Variants in ANGPT1 observed in about 807,000 individuals in gnomAD.
ANGPT1 encodes angiopoietin-1.
In ANGPT1, 17 loss-of-function variants were observed where a neutral mutation model predicts 62.2. That is an observed-to-expected ratio of 0.27 (90% confidence interval 0.19 to 0.41). ANGPT1 has a LOEUF of 0.41. Ranked by LOEUF, ANGPT1 falls within the 10% of genes least tolerant of loss-of-function variation. The pLI is 1.00. For synonymous variants in ANGPT1, 199 were observed against 198.9 expected, an observed-to-expected ratio of 1.00 and a Z score of 0.00; for missense variants, 478 against 594.9, an observed-to-expected ratio of 0.80 and a Z score of 2.04.
chr8:107,490,581 C>A (rs1395739138), intron 1 of ANGPT1, among the ~76,000 whole-genome samples: 2 of 152,190 alleles, frequency 1.3e-5, no homozygotes, highest in African/African-American at 4.8e-5. Context: ...GGAGGGCGAT[C>A]TTTTTCCCAC....
chr8:107,261,673 C>T (rs1369900356), intron 8 of ANGPT1, among the ~76,000 whole-genome samples: 1 of 150,592 alleles, frequency 6.6e-6, no homozygotes, highest in Admixed American at 6.6e-5. Flanking sequence ...TCACTGCACT[C>T]CAGCCTGGGT....
Position 107,443,841 on chromosome 8 carries a change from A to G in ANGPT1, c.297+53421T>C, listed in dbSNP as rs144809193. ...TCTCAAAAAAAAAAAAAAAAAGTAT[A>G]CTAGTATACCACTCTAACCAAAAAG... On this transcript the variant is annotated intron_variant, in intron 1 of 8. Transcript: ENST00000517746. Among the ~76,000 whole-genome samples, 1,282 of 151,474 alleles carry G rather than the reference A, an allele frequency of 8.5e-3. 8 individuals are homozygous for G. The highest frequency in any genetic ancestry group is 0.013 in the Non-Finnish European group (901 of 67,846).
chr8:107,336,264 T>G lies in ANGPT1; in HGVS notation c.461A>C (p.Asn154Thr), dbSNP rs777681150. The G allele has an allele frequency of 1.4e-5, 23 of 1,596,982 alleles. No individual in the cohort carries two copies. The highest frequency in any genetic ancestry group is 1.8e-5 in the Non-Finnish European group (21 of 1,174,704). ...CTGTATCTCAAGTCGAGAAGTTTGA[T>G]TTAGTACCTTAAGATAAAAGATGAA... ...KLTDVETQVL[N>T]QTSRLEIQLL... Residue 154 changes from asparagine (N) to threonine (T), a missense_variant, in exon 3 of 9, where the codon AAT becomes ACT. Physicochemically the swap from Asn to Thr is moderately conservative, Grantham distance 65. This residue lies in a region of ANGPT1 where 343 missense variants were observed against 355.4 expected (regional missense o/e 0.97). Transcript: ENST00000517746.
chr8:107,267,561 A>G (rs1336526744), intron 7 of ANGPT1, among the ~76,000 whole-genome samples: 1 of 152,084 alleles, frequency 6.6e-6, no homozygotes. Flanking sequence ...GGATTATCAA[A>G]GAAGACTTAC....
At chr8:107,320,226 C>A (rs1305863625) in intron 4 of ANGPT1, among the ~76,000 whole-genome samples, 2 of 152,044 alleles carry the variant, frequency 1.3e-5, no homozygotes, top group African/African-American at 4.8e-5. Context: ...AAAGTTGAAA[C>A]CTAGCCAGAA....
chr8:107,415,370 T>C (rs1810712293), intron 1 of ANGPT1, among the ~76,000 whole-genome samples: 1 of 152,150 alleles, frequency 6.6e-6, no homozygotes, highest in African/African-American at 2.4e-5. Flanking sequence ...TTAGTGACAT[T>C]CTACCCTAAG....
chr8:107,259,084 A>T (rs1813434663), intron 8 of ANGPT1, among the ~76,000 whole-genome samples: 1 of 152,162 alleles, frequency 6.6e-6, no homozygotes, highest in Non-Finnish European at 1.5e-5. Context: ...TTTATGTACT[A>T]AATATAGAAA....
At chr8:107,456,975 A>G (rs1158048443) in intron 1 of ANGPT1, among the ~76,000 whole-genome samples, 5 of 152,086 alleles carry the variant, frequency 3.3e-5, no homozygotes, top group Non-Finnish European at 7.4e-5. Flanking sequence ...TTTTTATGAT[A>G]AAATGACTTT....
chr8:107,490,072 A>G (rs1353786060), intron 1 of ANGPT1, among the ~76,000 whole-genome samples: 1 of 152,210 alleles, frequency 6.6e-6, no homozygotes, highest in African/African-American at 2.4e-5. Context: ...AGGGGCTGAT[A>G]AAACTCTGTG....
intron 5 of ANGPT1, among the ~76,000 whole-genome samples, chr8:107,302,344 T>C (rs1586203621): frequency 1.3e-5 from 2 of 151,998 alleles, no homozygotes; most frequent in East Asian, 1.9e-4. Flanking sequence ...CTTGGGACCC[T>C]GGGCTTCCAG....
rs371290418 is a variant in ANGPT1, at chr8:107,350,906, G to A, written c.298-3809C>T. 1.1e-3 allele frequency among the ~76,000 whole-genome samples: 167 copies of A among 152,226 alleles called. 3 individuals carry two copies. In the South Asian group the frequency reaches 0.032, roughly 29 times the overall value. On this transcript the variant is annotated intron_variant, in intron 1 of 8. Coordinates refer to ENST00000517746, the MANE Select transcript of ANGPT1 (RefSeq NM_001146.5). ...AACATTCCTCTGTAGATGTATAACTGTGAAATCCATCTTGATGTGCCATAG... is the reference window on the plus strand; with the variant it reads ...AACATTCCTCTGTAGATGTATAACTATGAAATCCATCTTGATGTGCCATAG...
At chr8:107,329,422 A>G (rs1815367717) in intron 3 of ANGPT1, among the ~76,000 whole-genome samples, 1 of 152,108 alleles carries the variant, frequency 6.6e-6, no homozygotes, top group Non-Finnish European at 1.5e-5. Flanking sequence ...TCATAGGTCT[A>G]GAATGGCCTG....
intron 2 of ANGPT1, among the ~76,000 whole-genome samples, chr8:107,343,639 A>G (rs1815742798): frequency 6.6e-6 from 1 of 152,192 alleles, no homozygotes; most frequent in Admixed American, 6.5e-5. Context: ...TCCACAGATC[A>G]TTAATTTGAC....
chr8:107,299,387 G>C (rs1814497757), intron 5 of ANGPT1, among the ~76,000 whole-genome samples: 1 of 44,722 alleles, frequency 2.2e-5, no homozygotes, highest in Non-Finnish European at 4.4e-5. Flanking sequence ...GTAAATGAAG[G>C]AGTGTATATA....
At chr8:107,476,744 CAG>C (rs1812542929) in intron 1 of ANGPT1, among the ~76,000 whole-genome samples, 1 of 152,080 alleles carries the variant, frequency 6.6e-6, no homozygotes, top group Non-Finnish European at 1.5e-5. Context: ...GACACAAATG[CAG>C]AAATATTTGC....
intron 3 of ANGPT1, among the ~76,000 whole-genome samples, chr8:107,329,369 T>G (rs1402107616): frequency 6.6e-6 from 1 of 152,020 alleles, no homozygotes; most frequent in Non-Finnish European, 1.5e-5. Context: ...TACAACAAGT[T>G]TGTCTTACTT....
Position 107,346,926 on chromosome 8 carries a change from T to C in ANGPT1, c.453+16A>G. 1 of 1,589,628 alleles carries C rather than the reference T, an allele frequency of 6.3e-7. No individual in the cohort carries two copies. The highest frequency in any genetic ancestry group is 8.6e-7 in the Non-Finnish European group (1 of 1,168,756). ...TTTTCCTTGTTGAGTCTGTGGACTC[T>C]GGCCCTGGGGTGTACCTGGGTCTCA... is the stretch of plus-strand genomic sequence containing the variant. On this transcript the variant is annotated intron_variant, in intron 2 of 8. Coordinates refer to ENST00000517746, the MANE Select transcript of ANGPT1 (RefSeq NM_001146.5).
chr8:107,493,611 A>T (rs750286502), intron 1 of ANGPT1, among the ~76,000 whole-genome samples: 15 of 150,586 alleles, frequency 1.0e-4, no homozygotes, highest in Non-Finnish European at 1.9e-4. Context: ...TATACCTCGA[A>T]TAAAATGCTG....
chr8:107,280,425 C>T (rs1463133613), intron 7 of ANGPT1, among the ~76,000 whole-genome samples: 2 of 152,052 alleles, frequency 1.3e-5, no homozygotes, highest in Non-Finnish European at 2.9e-5. Context: ...ACCTGTCAGT[C>T]AACATTTCCC....
Sources: allele counts gnomAD v4.1 joint callset (sites outside exome capture counted in the v4.1 genomes callset), GRCh38; gene constraint gnomAD v4.1.1; regional missense constraint gnomAD v4.1.1; transcripts MANE v1.5; gene names NCBI Gene and HGNC (gene_info 2026-07-23, HGNC 2026-07-21).